Variants in MUC4 observed in about 807,000 individuals in gnomAD.
MUC4 encodes mucin 4, cell surface associated.
In MUC4, 202 loss-of-function variants were observed where a neutral mutation model predicts 257.9. That is an observed-to-expected ratio of 0.78 (90% CI 0.70 to 0.88). The LOEUF (loss-of-function observed/expected upper bound fraction) is 0.88, where lower values mean the gene tolerates loss of function less well. Ranked by LOEUF, MUC4 falls within the 40% of genes least tolerant of loss-of-function variation. The pLI is 0.00. For synonymous variants in MUC4, 2,351 were observed against 2,757.1 expected (o/e 0.85, Z 4.62); for missense variants, 5,976 against 6,513.7 (o/e 0.92, Z 2.84).
chr3:195,751,387 A>T (rs1014723380), intron 21 of MUC4, 116 bp from the exon 22 acceptor site: 21 of 778,492 alleles, frequency 2.7e-5, no homozygotes, highest in Non-Finnish European at 4.2e-5. Context: ...GAGCCCCAGG[A>T]CCCCAGCACC....
Position 195,788,579 on chromosome 3 carries a change from C to T in MUC4, c.3001G>A (p.Val1001Ile), listed in dbSNP as rs988729309. Reference sequence around the variant, plus strand: ...AGAGGGGTGGCGTGACCTGTGGATACTGAGGAAGCATCGGTGACATGAAGA... The same window carrying T: ...AGAGGGGTGGCGTGACCTGTGGATATTGAGGAAGCATCGGTGACATGAAGA... Reference protein sequence around the residue: ...TPLHVTDASSVSTGHATPLPV... With the variant: ...TPLHVTDASSISTGHATPLPV... Residue 1001 changes from valine to isoleucine, a missense_variant, in exon 2 of 25, where the codon GTA becomes ATA. By Grantham distance (29) the Val-to-Ile change is conservative. Around this residue, in one of 44 missense-constraint regions of MUC4, gnomAD observed 1,583 missense variants for 1,257.4 expected, o/e 1.26. Coordinates refer to ENST00000463781, the MANE Select transcript of MUC4 (RefSeq NM_018406.7). The T allele has an allele frequency of 1.3e-6, 2 of 1,528,802 alleles. No homozygotes were observed. Among genetic ancestry groups the T allele is most frequent in the African/African-American group, 1.5e-5 (1 of 65,644 alleles). The allele number at this position is 1,528,802 out of a possible 1,614,324, so 94.7% of individuals were successfully genotyped here.
chr3:195,752,391 C>A lies in MUC4; in HGVS notation c.15564G>T (p.Met5188Ile). 6.2e-7 allele frequency: 1 copy of A among 1,614,042 alleles called. No homozygotes were observed. The highest frequency in any genetic ancestry group is 8.5e-7 in the Non-Finnish European group (1 of 1,179,862). Residue 5188 changes from methionine (M) to isoleucine (I), a missense_variant, in exon 21 of 25, where the codon ATG becomes ATT. By Grantham distance (10) the Met-to-Ile change is conservative. Transcript: ENST00000463781. ...CACTGACCGAGGCGTTGACTTCTGCCATGGAGGCATTTTCCTCTTCACTGA... is the reference window on the plus strand; with the variant it reads ...CACTGACCGAGGCGTTGACTTCTGCAATGGAGGCATTTTCCTCTTCACTGA... The part of the protein sequence containing the change: ...LLLSEEENAS[M>I]AEVNASVAYR...
chr3:195,767,462 C>CCA (rs1310687476), intron 7 of MUC4, among the ~76,000 whole-genome samples: 10 of 127,654 alleles, frequency 7.8e-5, no homozygotes, highest in African/African-American at 2.5e-4. Flanking sequence ...ACCACCAACA[C>CCA]TACCACCACC....
intron 13 of MUC4, 46 bp from the exon 14 acceptor site, chr3:195,762,300 G>C (rs1167699045): frequency 2.6e-6 from 4 of 1,524,988 alleles, no homozygotes; most frequent in African/African-American, 1.4e-5. Context: ...TCGGCACCAC[G>C]GCCCGCACCA....
chr3:195,804,545 G>T (rs1444454236), intron 1 of MUC4, among the ~76,000 whole-genome samples: 1 of 152,218 alleles, frequency 6.6e-6, no homozygotes, highest in Non-Finnish European at 1.5e-5. Flanking sequence ...TGTTTGTCTT[G>T]GGTTTTTCCT....
chr3:195,773,495 C>T (rs866779660), intron 4 of MUC4, among the ~76,000 whole-genome samples: 8,931 of 124,814 alleles, frequency 0.072, 222 homozygotes, highest in Middle Eastern at 0.13. Flanking sequence ...CTCTCTCTAT[C>T]ACTCAGCAGG....
intron 21 of MUC4, 31 bp from the exon 22 acceptor site, chr3:195,751,302 G>C (rs1236026239): frequency 6.4e-7 from 1 of 1,555,102 alleles, no homozygotes; most frequent in African/African-American, 1.4e-5. Flanking sequence ...TGGGGGTGGG[G>C]GTGAGGCCCC....
chr3:195,797,266 T>TTA (rs144522344), intron 1 of MUC4, among the ~76,000 whole-genome samples: 1 of 149,586 alleles, frequency 6.7e-6, no homozygotes, highest in African/African-American at 2.5e-5. Context: ...GGACTCTATC[T>TTA]TAAATAAATA....
chr3:195,752,220 G>T, intron 21 of MUC4, 153 bp downstream of exon 21: 1 of 702,802 alleles, frequency 1.4e-6, no homozygotes, highest in East Asian at 2.6e-5. Context: ...ACTTCCTAAT[G>T]CCCTGCACCT....
At position 195,782,150 on chromosome 3, in the gene MUC4, A is replaced by G. The variant is rs1232167177; in HGVS notation, c.9430T>C (p.Ser3144Pro). ...ATALPVTSTS[S>P]ASTGDTTPLP... is the part of the protein sequence containing the mutation. Reference sequence around the variant, plus strand: ...GGGGTGGTGTCACCTGTGGATGCTGAGGAAGTGCTGGTGACAGGAAGAGCG... The same window carrying G: ...GGGGTGGTGTCACCTGTGGATGCTGGGGAAGTGCTGGTGACAGGAAGAGCG... Residue 3144 changes from serine to proline, a missense_variant, in exon 2 of 25, where the codon TCA (serine) becomes CCA (proline). Transcript: ENST00000463781. The G allele has an allele frequency of 2.2e-6, 3 of 1,357,024 alleles. No individual in the cohort carries two copies. Among genetic ancestry groups the G allele is most frequent in the African/African-American group, 1.5e-5 (1 of 66,882 alleles). 84.1% of individuals were successfully genotyped at this position (1,357,024 alleles called of 1,614,324 possible). A position where few individuals can be genotyped will look rare whatever the true frequency, so the allele number is the denominator to read the frequency against.
chr3:195,778,219 C>T (rs1407320293), intron 3 of MUC4, 84 bp downstream of exon 3: 18 of 1,469,078 alleles, frequency 1.2e-5, no homozygotes, highest in Admixed American at 2.3e-5. Context: ...CCCGAGAGAG[C>T]GGAGACTGTG....
At chr3:195,761,439 C>A in intron 15 of MUC4, 45 bp downstream of exon 15, 1 of 1,480,040 alleles carries the variant, frequency 6.8e-7, no homozygotes, top group South Asian at 1.1e-5. Context: ...AACATACCGG[C>A]TCCCCTCACC....
intron 21 of MUC4, chr3:195,752,023 T>G: frequency 3.1e-6 from 1 of 319,110 alleles, no homozygotes. Context: ...GACTGAGGTA[T>G]GGCATGGCAG....
chr3:195,767,462 CTACCACCACCATCACCAT>C (rs1720832779), intron 7 of MUC4, among the ~76,000 whole-genome samples: 1 of 127,546 alleles, frequency 7.8e-6, no homozygotes, highest in African/African-American at 2.8e-5. Context: ...ACCACCAACA[CTACCACCACCATCACCAT>C]CACCACCACC....
In MUC4 at chr3:195,765,080, G is replaced by A; in HGVS notation, c.13841C>T (p.Ser4614Phe). 1 of 1,613,812 alleles carries A rather than the reference G, an allele frequency of 6.2e-7. No homozygotes were observed. The highest frequency in any genetic ancestry group is 8.5e-7 in the Non-Finnish European group (1 of 1,179,882). Residue 4614 changes from serine to phenylalanine, a missense_variant, in exon 10 of 25, where the codon TCT becomes TTT. Physicochemically the swap from Ser to Phe is radical, Grantham distance 155. Transcript: ENST00000463781. ...LGSRQLCSFTSWRGGVCCSYG... is the reference protein window; with the variant it reads ...LGSRQLCSFTFWRGGVCCSYG... ...GCTGCAGCACACGCCTCCTCGCCAA[G>A]AGGTGAAGCTGCACAGCTGCCTACT...
At position 195,786,319 on chromosome 3, in the gene MUC4, G is replaced by A. The variant is rs749646961; in HGVS notation, c.5261C>T (p.Ser1754Phe). Residue 1754 changes from serine (S) to phenylalanine (F), a missense_variant, in exon 2 of 25, where the codon TCC becomes TTC. Physicochemically the swap from Ser to Phe is radical, Grantham distance 155. Transcript: ENST00000463781. The part of the protein sequence containing the change: ...PLLVTDASSA[S>F]TGQATPLPVT... ...AGGAAGAGGGGTGGCCTGACCTGTG[G>A]ATGCTGAGGAAGCGTCAGTGACAAG... 2 of 1,520,098 alleles carry A rather than the reference G, an allele frequency of 1.3e-6. No homozygotes were observed. Among genetic ancestry groups the A allele is most frequent in the Admixed American group, 2.0e-5 (1 of 49,732 alleles). 94.2% of individuals were successfully genotyped at this position (1,520,098 alleles called of 1,614,324 possible).
chr3:195,778,731 G>C, intron 2 of MUC4, 59 bp downstream of exon 2: 7 of 1,506,058 alleles, frequency 4.6e-6, no homozygotes, highest in Non-Finnish European at 5.4e-6. Flanking sequence ...GTACTCCTTA[G>C]GCTGAATTCC....
At chr3:195,762,359 T>C in intron 13 of MUC4, 105 bp from the exon 14 acceptor site, 5 of 1,280,230 alleles carry the variant, frequency 3.9e-6, no homozygotes, top group Non-Finnish European at 5.3e-6. Flanking sequence ...CCCCTGGGGC[T>C]GAAGCCGGGA....
rs761516984 is a variant in MUC4 at position 195,782,848 on chromosome 3, G to C, written c.8732C>G (p.Thr2911Arg). The C allele has an allele frequency of 6.6e-7, 1 of 1,524,592 alleles. No individual in the cohort carries two copies. The highest frequency in any genetic ancestry group is 1.4e-5 in the African/African-American group (1 of 70,524). The allele number at this position is 1,524,592 out of a possible 1,614,324, so 94.4% of individuals were successfully genotyped here. A position where few individuals can be genotyped will look rare whatever the true frequency, so the allele number is the denominator to read the frequency against. ...SLSSVSTGDT[T>R]PLPVTDTSSA... ...GGAAGTGTCGGTGACAGGAAGAGGC[G>C]TGGTGTCACCTGTGGATACTGAGGA... is the stretch of plus-strand genomic sequence containing the variant. Residue 2911 changes from threonine (T) to arginine (R), a missense_variant, in exon 2 of 25, where the codon ACG (threonine) becomes AGG (arginine). Thr to Arg is a moderately conservative substitution (Grantham distance 71). This residue lies in a region of MUC4 where 228 missense variants were observed against 206.3 expected (regional missense o/e 1.11). Coordinates refer to ENST00000463781, the MANE Select transcript of MUC4 (RefSeq NM_018406.7).
Sources: allele counts gnomAD v4.1 joint callset (sites outside exome capture counted in the v4.1 genomes callset), GRCh38; gene constraint gnomAD v4.1.1; regional missense constraint gnomAD v4.1.1; transcripts MANE v1.5; gene names NCBI Gene and HGNC (gene_info 2026-07-23, HGNC 2026-07-21).